MYO1A: variants seen among roughly 807,000 people sequenced by gnomAD.
MYO1A encodes the protein unconventional myosin-Ia.
In MYO1A, 127 loss-of-function variants were observed where a neutral mutation model predicts 138.5. The ratio of observed to expected loss-of-function variants is 0.92; its 90% CI spans 0.79 to 1.06. MYO1A has a LOEUF of 1.06. MYO1A is among the 50% of genes least tolerant of loss of function. The probability of loss-of-function intolerance (pLI) is 0.00; values close to 1 mark genes in which losing one functional copy is unlikely to be tolerated. For missense variants in MYO1A, 1,211 were observed against 1,288.8 expected (o/e 0.94, Z 0.92); for synonymous variants, 477 against 497.5 (o/e 0.96, Z 0.55).
chr12:57,047,914 G>A (rs2031183543), intron 3 of MYO1A, 75 bp downstream of exon 3: 7 of 1,574,540 alleles, frequency 4.4e-6, no homozygotes, highest in Non-Finnish European at 6.1e-6. Flanking sequence ...TCAGGGGAAG[G>A]GACAAAGGAA....
Position 57,038,842 on chromosome 12 carries a change from G to A in MYO1A, c.1500C>T (p.Leu500=). 1.2e-6 allele frequency: 2 copies of A among 1,614,170 alleles called. No individual in the cohort carries two copies. The highest frequency in any genetic ancestry group is 1.7e-6 in the Non-Finnish European group (2 of 1,180,038). ...CATAGTGGCAGATGCGGAAGCAGCT[G>A]AGGCCCATGGTGTGGTCATACTGAC... The part of the protein sequence containing the change: ...AQRQYDHTMG[L]SCFRICHYAG... The change falls in exon 16 of 28, where the codon CTC becomes CTT. Residue 500 remains leucine, a synonymous_variant. Coordinates refer to ENST00000300119, the MANE Select transcript of MYO1A (RefSeq NM_005379.4).
intron 12 of MYO1A, among the ~76,000 whole-genome samples, chr12:57,042,393 G>T (rs962752001): frequency 3.0e-4 from 45 of 152,126 alleles, no homozygotes; most frequent in African/African-American, 9.7e-4. Flanking sequence ...TCAGTTGATG[G>T]ACATTTGGGC....
Position 57,038,648 on chromosome 12 carries a change from A to T in MYO1A, c.1534-10T>A. 1 of 1,614,042 alleles carries T rather than the reference A, an allele frequency of 6.2e-7. No homozygotes were observed. Among genetic ancestry groups the T allele is most frequent in the Non-Finnish European group, 8.5e-7 (1 of 1,179,888 alleles). ...TCACGTTGTATGTCACCTGTAAAGG[A>T]GCAGCTATTGGTTTGGAGACCCCAC... is the stretch of plus-strand genomic sequence containing the variant. On this transcript the variant is annotated splice_polypyrimidine_tract_variant and intron_variant, in intron 16 of 27. Coordinates refer to ENST00000300119, the MANE Select transcript of MYO1A (RefSeq NM_005379.4).
chr12:57,029,116 C>G lies in MYO1A; in HGVS notation c.3005+16G>C. 17 of 1,614,136 alleles carry G rather than the reference C, an allele frequency of 1.1e-5. No individual in the cohort carries two copies. The highest frequency in any genetic ancestry group is 1.4e-5 in the Non-Finnish European group (17 of 1,180,028). ...TCTACCGTAAGCCGCCCCTCACCCC[C>G]AGTTCATGGCCTCACTTCTCAGTCA... is the stretch of plus-strand genomic sequence containing the variant. On this transcript the variant is annotated intron_variant, in intron 27 of 27. Transcript: ENST00000300119.
rs779893328 is a variant in MYO1A at position 57,036,817 on chromosome 12, T to C, written c.2229A>G (p.Ile743Met). The change falls in exon 21 of 28, where the codon ATA becomes ATG. Residue 743 changes from isoleucine to methionine, a missense_variant. Ile to Met is a conservative substitution (Grantham distance 10, BLOSUM62 1). Transcript: ENST00000300119. Reference sequence around the variant, plus strand: ...CCTGGATCAATAACACGGATGCCTTTATCTTCCCATAGCATTTCTTTTGCT... The same window carrying C: ...CCTGGATCAATAACACGGATGCCTTCATCTTCCCATAGCATTTCTTTTGCT... ...GNMQKKCYGKIKASVLLIQAF... is the reference protein window; with the variant it reads ...GNMQKKCYGKMKASVLLIQAF... The C allele has an allele frequency of 1.2e-6, 2 of 1,614,260 alleles. No individual in the cohort carries two copies. The highest frequency in any genetic ancestry group is 2.2e-5 in the South Asian group (2 of 91,088).
intron 23 of MYO1A, 93 bp downstream of exon 23, chr12:57,030,947 G>A (rs2030249601): frequency 6.7e-7 from 1 of 1,487,634 alleles, no homozygotes. Context: ...TTTTTTTAAT[G>A]GGAAAAAAAT....
At chr12:57,045,407 G>T (rs560568493) in intron 8 of MYO1A, among the ~76,000 whole-genome samples, 1 of 152,256 alleles carries the variant, frequency 6.6e-6, no homozygotes, top group South Asian at 2.1e-4. Context: ...GCTAAGGAGG[G>T]TATCTGGAGG....
At chr12:57,050,697 T>C (rs1348192651), upstream of MYO1A, 1 of 152,188 alleles carries the variant, frequency 6.6e-6, no homozygotes, top group African/African-American at 2.4e-5. Context: ...ACCCAAAGAT[T>C]AAAGTGATTA....
chr12:57,038,123 G>A, intron 17 of MYO1A, 54 bp from the exon 18 acceptor site: 1 of 1,587,466 alleles, frequency 6.3e-7, no homozygotes, highest in Non-Finnish European at 8.6e-7. Flanking sequence ...CATTGCCAGT[G>A]TAACCCATCA....
chr12:57,031,050 T>C lies in MYO1A; in HGVS notation c.2474A>G (p.Tyr825Cys), dbSNP rs1448308945. The change falls in exon 23 of 28, where the codon TAC becomes TGC. Residue 825 changes from tyrosine to cysteine, a missense_variant. Tyr to Cys is a radical substitution (Grantham distance 194). Transcript: ENST00000300119. Reference protein sequence around the residue: ...TANQELQQLFYQWKCKRFRDQ... With the variant: ...TANQELQQLFCQWKCKRFRDQ... ...CTGGGCTCCACTTGCCTTCCACTGG[T>C]AGAAGAGCTGCTGCAGCTCCTGATT... 4 of 1,613,764 alleles carry C rather than the reference T, an allele frequency of 2.5e-6. No homozygotes were observed. The highest frequency in any genetic ancestry group is 3.4e-6 in the Non-Finnish European group (4 of 1,179,982).
In MYO1A at chr12:57,041,270, A is replaced by T. The variant is rs967939875; in HGVS notation, c.1183T>A (p.Phe395Ile). 6.2e-7 allele frequency: 1 copy of T among 1,614,078 alleles called. No individual in the cohort carries two copies. Among genetic ancestry groups the T allele is most frequent in the Non-Finnish European group, 8.5e-7 (1 of 1,179,994 alleles). Residue 395 changes from phenylalanine to isoleucine, a missense_variant, in exon 14 of 28, where the codon TTT (phenylalanine) becomes ATT (isoleucine). Phe to Ile is a conservative substitution (Grantham distance 21). Coordinates refer to ENST00000300119, the MANE Select transcript of MYO1A (RefSeq NM_005379.4). ...TTCTCATTGCAGTAGTTGATCACAA[A>T]TTGCTCAAAGCTATTATCCTGAGAG... is the stretch of plus-strand genomic sequence containing the variant. ...EILEDNSFEQ[F>I]VINYCNEKLQ...
chr12:57,030,975 G>A lies in MYO1A; in HGVS notation c.2484+65C>T. 3.8e-6 allele frequency: 6 copies of A among 1,594,030 alleles called. No individual in the cohort carries two copies. The South Asian group carries it at 5.6e-5, about 15-fold the overall frequency. On this transcript the variant is annotated intron_variant, in intron 23 of 27. Transcript: ENST00000300119. ...AAAAAAATAGAAGAGGGAGGCAAAA[G>A]AGGAAAATCAGGGGGAGGGAAAAAA...
chr12:57,033,617 C>T lies in MYO1A; in HGVS notation c.2350-2443G>A, dbSNP rs145905195. 3.6e-3 allele frequency among the ~76,000 whole-genome samples: 541 copies of T among 152,272 alleles called. 1 individual carries two copies. Among genetic ancestry groups the T allele is most frequent in the Middle Eastern group, 0.017 (5 of 294 alleles). ...CAAGCAATATTCCCGCCTCAGCCTC[C>T]CAAAGTGCTAGGATTACAGGAGTGA... On this transcript the variant is annotated intron_variant, in intron 22 of 27. Coordinates refer to ENST00000300119, the MANE Select transcript of MYO1A (RefSeq NM_005379.4).
At chr12:57,038,335 G>A in intron 17 of MYO1A, 77 bp downstream of exon 17, 1 of 1,482,146 alleles carries the variant, frequency 6.7e-7, no homozygotes, top group Non-Finnish European at 9.4e-7. Context: ...ACCCCCACAT[G>A]GACGTGTTCT....
At position 57,037,572 on chromosome 12, in the gene MYO1A, C is replaced by A. The variant is rs781742978; in HGVS notation, c.2031G>T (p.Lys677Asn). 6.2e-7 allele frequency: 1 copy of A among 1,614,166 alleles called. No homozygotes were observed. Among genetic ancestry groups the A allele is most frequent in the South Asian group, 1.1e-5 (1 of 91,084 alleles). The part of the protein sequence containing the change: ...SSGELAFGKT[K>N]IFIRSPKTLF... Reference sequence around the variant, plus strand: ...CAGTCTTGGGGCTTCTAATGAAGATCTTTGTCTTGCCAAAGGCCAGCTCCC... The same window carrying A: ...CAGTCTTGGGGCTTCTAATGAAGATATTTGTCTTGCCAAAGGCCAGCTCCC... Residue 677 changes from lysine (K) to asparagine (N), a missense_variant, in exon 19 of 28, where the codon AAG (lysine) becomes AAT (asparagine). Coordinates refer to ENST00000300119, the MANE Select transcript of MYO1A (RefSeq NM_005379.4).
Position 57,043,443 on chromosome 12 carries a change from G to A in MYO1A, c.893-85C>T. 7.8e-6 allele frequency: 10 copies of A among 1,276,962 alleles called. No individual in the cohort carries two copies. The South Asian group carries it at 9.5e-5, about 12-fold the overall frequency. The allele number at this position is 1,276,962 out of a possible 1,614,324, so 79.1% of individuals were successfully genotyped here. A position where few individuals can be genotyped will look rare whatever the true frequency, so the allele number is the denominator to read the frequency against. On this transcript the variant is annotated intron_variant, in intron 10 of 27. Transcript: ENST00000300119. ...TGCAATCTGATAAGTGAAACTGCCT[G>A]AGACACTGGTGTCCTGGGGTCTCAC...
rs370899073 is a variant in MYO1A, at chr12:57,046,965, C to T, written c.478-39G>A. 1.3e-4 allele frequency: 215 copies of T among 1,611,728 alleles called. 1 individual carries two copies. The Middle Eastern group carries it at 3.0e-3, about 22-fold the overall frequency. On this transcript the variant is annotated intron_variant, in intron 6 of 27. Coordinates refer to ENST00000300119, the MANE Select transcript of MYO1A (RefSeq NM_005379.4). ...CCAGAGAGAGAGACTTAGCTTCTTC[C>T]TCTTCTCACCACCCTGCCTGGAAGG...
chr12:57,037,103 T>G lies in MYO1A; in HGVS notation c.2056-12A>C, dbSNP rs1261914818. On this transcript the variant is annotated splice_polypyrimidine_tract_variant and intron_variant, in intron 19 of 27. Coordinates refer to ENST00000300119, the MANE Select transcript of MYO1A (RefSeq NM_005379.4). ...TCGAGGTAGAAAAGCTGTGGAGAGG[T>G]GGAAGGGGGTGACAGAGAGACTGGC... 6.2e-6 allele frequency: 10 copies of G among 1,613,668 alleles called. No homozygotes were observed. In the South Asian group the frequency reaches 1.1e-4, roughly 18 times the overall value.
At chr12:57,039,300 A>G (rs995194462) in intron 14 of MYO1A, 26 bp from the exon 15 acceptor site, 2 of 1,590,332 alleles carry the variant, frequency 1.3e-6, no homozygotes, top group Non-Finnish European at 1.7e-6. Flanking sequence ...AACAAATTAC[A>G]GGGAACACGT....
Sources: gnomAD v4.1 joint callset for allele counts (sites outside exome capture counted in the v4.1 genomes callset) on GRCh38, gnomAD v4.1.1 for gene constraint, MANE v1.5 for transcripts, NCBI Gene and HGNC (gene_info 2026-07-23, HGNC 2026-07-21) for gene names.